The following TSPOAP1 variants were observed in gnomAD, a reference collection of about 807,000 sequenced individuals.
The protein encoded by TSPOAP1 is TSPO associated protein 1, also known as peripheral-type benzodiazepine receptor-associated protein 1.
In TSPOAP1, 87 loss-of-function variants were observed where a neutral mutation model predicts 197.0. The observed-to-expected ratio is 0.44, with a 90% CI of 0.37 to 0.53. The LOEUF is 0.53. Among genes scored for constraint, TSPOAP1 ranks in the 20% least tolerant of loss-of-function variants. The pLI is 0.00. For synonymous variants in TSPOAP1, 913 were observed against 998.9 expected (o/e 0.91, Z 1.62); for missense variants, 2,174 against 2,411.3 (o/e 0.90, Z 2.06).
chr17:58,326,362 G>A lies in TSPOAP1; in HGVS notation c.501C>T (p.Ala167=), dbSNP rs1327005870. Residue 167 remains alanine (A), a synonymous_variant, in exon 3 of 32, where the codon GCC becomes GCT. Transcript: ENST00000343736. The surrounding 1 kb of genome is among the most constrained non-coding windows in gnomAD (Gnocchi z 4.7). ...EKVRRLKRKN[A]ELAVIAKRLE... ...GGCGCTTGGCAATGACCGCCAGCTC[G>A]GCGTTCTTCCTCTTCAGCCTCCGCA... The A allele has an allele frequency of 1.6e-5, 26 of 1,613,886 alleles. No homozygotes were observed. Among genetic ancestry groups the A allele is most frequent in the African/African-American group, 5.3e-5 (4 of 74,900 alleles).
chr17:58,327,842 A>G lies in TSPOAP1; in HGVS notation c.79T>C (p.Trp27Arg). 1 of 1,613,824 alleles carries G rather than the reference A, an allele frequency of 6.2e-7. No individual in the cohort carries two copies. Among genetic ancestry groups the G allele is most frequent in the Non-Finnish European group, 8.5e-7 (1 of 1,179,938 alleles). The part of the protein sequence containing the change: ...EPWALPTWHS[W>R]TPGRGGEPSS... ...GGTTCACCCCCTCGACCTGGAGTCC[A>G]GCTATGCCAGGTGGGCAGTGCCCAT... Residue 27 changes from tryptophan (W) to arginine (R), a missense_variant, in exon 1 of 32, where the codon TGG becomes CGG. Coordinates refer to ENST00000343736, the MANE Select transcript of TSPOAP1 (RefSeq NM_004758.4).
intron 11 of TSPOAP1, 92 bp from the exon 12 acceptor site, chr17:58,320,221 G>T: frequency 6.8e-7 from 1 of 1,471,650 alleles, no homozygotes; most frequent in Non-Finnish European, 9.5e-7. Flanking sequence ...GGGCCTAAGT[G>T]GATATCATCC....
intron 14 of TSPOAP1, among the ~76,000 whole-genome samples, chr17:58,317,850 T>G (rs1971286017): frequency 6.6e-6 from 1 of 152,210 alleles, no homozygotes. Context: ...AAGATTCAGA[T>G]AAGGAAACAG....
In TSPOAP1 at chr17:58,324,759, C is replaced by G; in HGVS notation, c.942+52G>C. On this transcript the variant is annotated intron_variant, in intron 5 of 31. Coordinates refer to ENST00000343736, the MANE Select transcript of TSPOAP1 (RefSeq NM_004758.4). This position sits in a 1 kb window ranked among gnomAD's most constrained non-coding sequence, Gnocchi z 5.8. ...TGCAGGGGAGATCCCGGTGGTCGTT[C>G]CCCCCACCCATCTGCACGCACCCAC... is the stretch of plus-strand genomic sequence containing the variant. 25 of 1,263,122 alleles carry G rather than the reference C, an allele frequency of 2.0e-5. No homozygotes were observed. Among genetic ancestry groups the G allele is most frequent in the Admixed American group, 1.4e-4 (4 of 28,294 alleles). 78.2% of individuals were successfully genotyped at this position (1,263,122 alleles called of 1,614,324 possible). A position where few individuals can be genotyped will look rare whatever the true frequency, so the allele number is the denominator to read the frequency against.
chr17:58,308,311 G>T (rs922103123), intron 22 of TSPOAP1, among the ~76,000 whole-genome samples: 1 of 152,234 alleles, frequency 6.6e-6, no homozygotes, highest in African/African-American at 2.4e-5. Flanking sequence ...CTGCCCACAG[G>T]CCGCAACAGG....
chr17:58,311,529 G>A (rs779976642), intron 18 of TSPOAP1, 42 bp downstream of exon 18: 1 of 1,521,296 alleles, frequency 6.6e-7, no homozygotes, highest in Admixed American at 2.2e-5. Context: ...TAGCAAGAAG[G>A]GACCCACCCC....
rs778020755 is a variant in TSPOAP1 at position 58,310,909 on chromosome 17, C to T, written c.3386G>A (p.Gly1129Glu). The T allele has an allele frequency of 4.5e-6, 7 of 1,548,868 alleles. No homozygotes were observed. The African/African-American group carries it at 8.3e-5, about 18-fold the overall frequency. Residue 1129 changes from glycine (G) to glutamate (E), a missense_variant, in exon 19 of 32, where the codon GGA (glycine) becomes GAA (glutamate). By Grantham distance (98) the Gly-to-Glu change is moderately conservative. Coordinates refer to ENST00000343736, the MANE Select transcript of TSPOAP1 (RefSeq NM_004758.4). ...TCTGGAAGGGCTTGCAGGGGGTGCT[C>T]CTGGAGGCTCTTGAGTTCCAAGGGG... The part of the protein sequence containing the change: ...PAPLGTQEPP[G>E]APPASPSREM...
intron 18 of TSPOAP1, 79 bp downstream of exon 18, chr17:58,311,492 A>C: frequency 1.3e-6 from 2 of 1,505,496 alleles, no homozygotes; most frequent in Non-Finnish European, 1.8e-6. Flanking sequence ...TCTCCGTGCC[A>C]AGCCAGAGAG....
rs150735629 is a variant in TSPOAP1, at chr17:58,307,908, C to T, written c.4765G>A (p.Gly1589Ser). ...TTCTGGGGGCCCCTCCGCCCAGAGCCGTCCTGCCCTCTGGCCTCTCCGGTC... is the reference window on the plus strand; with the variant it reads ...TTCTGGGGGCCCCTCCGCCCAGAGCTGTCCTGCCCTCTGGCCTCTCCGGTC... ...TETGEARGQD[G>S]SGRRGPQKRG... The change falls in exon 23 of 32, where the codon GGC (glycine) becomes AGC (serine). Residue 1589 changes from glycine to serine, a missense_variant. Physicochemically the swap from Gly to Ser is moderately conservative, Grantham distance 56 (BLOSUM62 0). Coordinates refer to ENST00000343736, the MANE Select transcript of TSPOAP1 (RefSeq NM_004758.4). 6.9e-5 allele frequency: 112 copies of T among 1,613,172 alleles called. No homozygotes were observed. The highest frequency in any genetic ancestry group is 1.9e-4 in the South Asian group (17 of 91,056).
At chr17:58,307,188 C>A (rs1054923372) in intron 24 of TSPOAP1, among the ~76,000 whole-genome samples, 1 of 152,240 alleles carries the variant, frequency 6.6e-6, no homozygotes, top group Admixed American at 6.5e-5. Flanking sequence ...TGGCCATGCC[C>A]TTTGCCCACC....
rs1436363599 is a variant in TSPOAP1, at chr17:58,319,085, C to T, written c.1699+5G>A. 4.6e-6 allele frequency: 7 copies of T among 1,522,932 alleles called. No homozygotes were observed. In the African/African-American group the frequency reaches 8.3e-5, roughly 18 times the overall value. 94.3% of individuals were successfully genotyped at this position (1,522,932 alleles called of 1,614,324 possible). A position where few individuals can be genotyped will look rare whatever the true frequency, so the allele number is the denominator to read the frequency against. The stretch of plus-strand genomic sequence containing the variant: ...CCAGGCCAATGCCACTGGGGTCCAC[C>T]TTACCTTTGGGGCCAGACCCCCGGC... On this transcript the variant is annotated splice_donor_5th_base_variant and intron_variant, in intron 13 of 31. Coordinates refer to ENST00000343736, the MANE Select transcript of TSPOAP1 (RefSeq NM_004758.4).
At position 58,316,046 on chromosome 17, in the gene TSPOAP1, A is replaced by G. The variant is rs367626083; in HGVS notation, c.2075T>C (p.Met692Thr). 5.0e-6 allele frequency: 8 copies of G among 1,613,986 alleles called. No homozygotes were observed. In the African/African-American group the frequency reaches 1.1e-4, roughly 22 times the overall value. The change falls in exon 16 of 32, where the codon ATG (methionine) becomes ACG (threonine). Residue 692 changes from methionine to threonine, a missense_variant. This residue lies in a region of TSPOAP1 where 1,933 missense variants were observed against 2,139.0 expected (regional missense o/e 0.90). Transcript: ENST00000343736. ...AGEYIYIYGN[M>T]DEDGFFEGEL... is the part of the protein sequence containing the mutation. The stretch of plus-strand genomic sequence containing the variant: ...ACCTTCAAAAAAGCCATCCTCATCC[A>G]TGTTGCCATAGATGTAGATGTACTC...
chr17:58,310,758 C>G lies in TSPOAP1; in HGVS notation c.3460-7G>C, dbSNP rs546544931. On this transcript the variant is annotated splice_region_variant and splice_polypyrimidine_tract_variant and intron_variant, in intron 19 of 31. Transcript: ENST00000343736. ...CTGCTGCCCCAGCCTCCTCCTGGAA[C>G]AGAGAGCACTGAGGAAGGACCCAAG... The G allele has an allele frequency of 6.8e-6, 11 of 1,609,908 alleles. No individual in the cohort carries two copies. The highest frequency in any genetic ancestry group is 2.2e-5 in the East Asian group (1 of 44,806).
At chr17:58,310,387 C>T in intron 20 of TSPOAP1, 125 bp downstream of exon 20, 1 of 1,419,698 alleles carries the variant, frequency 7.0e-7, no homozygotes. Flanking sequence ...ATAGCACAGC[C>T]AAAGGTGTGA....
At chr17:58,315,904 GATGGATGGATGGATGGATGGATGGATGA>G (rs1971214647) in intron 16 of TSPOAP1, 91 bp downstream of exon 16, 9 of 759,772 alleles carry the variant, frequency 1.2e-5, no homozygotes, top group Non-Finnish European at 1.6e-5. Flanking sequence ...TGGATGGATG[GATGGATGGATGGATGGATGGATGGATGA>G]ATGGATGGAT....
rs781678688 is a variant in TSPOAP1, at chr17:58,326,656, C to T, written c.441+27G>A. On this transcript the variant is annotated intron_variant, in intron 2 of 31. Coordinates refer to ENST00000343736, the MANE Select transcript of TSPOAP1 (RefSeq NM_004758.4). The surrounding 1 kb of genome is among the most constrained non-coding windows in gnomAD (Gnocchi z 4.7). ...GCAGAGGGCCTGGCTCCAGCCAGAA[C>T]GCAGCACCCCAGTCTCCAAGCCTCA... 3.2e-5 allele frequency: 52 copies of T among 1,609,280 alleles called. No individual in the cohort carries two copies. In the African/African-American group the frequency reaches 3.5e-4, roughly 11 times the overall value.
Position 58,306,416 on chromosome 17 carries a change from G to T in TSPOAP1, c.5153-3C>A, listed in dbSNP as rs752250359. 2.5e-5 allele frequency: 39 copies of T among 1,554,554 alleles called. No homozygotes were observed. Among genetic ancestry groups the T allele is most frequent in the Non-Finnish European group, 3.3e-5 (38 of 1,148,392 alleles). ...GGAGTACACAAACGGACCATTCCCT[G>T]ATCCAGAAAAGCAGAGAGAAAGCGA... On this transcript the variant is annotated splice_region_variant and splice_polypyrimidine_tract_variant and intron_variant, in intron 25 of 31. Coordinates refer to ENST00000343736, the MANE Select transcript of TSPOAP1 (RefSeq NM_004758.4).
chr17:58,327,850 C>G lies in TSPOAP1; in HGVS notation c.71G>C (p.Trp24Ser). The G allele has an allele frequency of 6.2e-7, 1 of 1,613,778 alleles. No homozygotes were observed. The highest frequency in any genetic ancestry group is 8.5e-7 in the Non-Finnish European group (1 of 1,179,918). ...CCCTCGACCTGGAGTCCAGCTATGCCAGGTGGGCAGTGCCCATGGCTCCAT... is the reference window on the plus strand; with the variant it reads ...CCCTCGACCTGGAGTCCAGCTATGCGAGGTGGGCAGTGCCCATGGCTCCAT... Reference protein sequence around the residue: ...GAMEPWALPTWHSWTPGRGGE... With the variant: ...GAMEPWALPTSHSWTPGRGGE... The change falls in exon 1 of 32, where the codon TGG (tryptophan) becomes TCG (serine). Residue 24 changes from tryptophan to serine, a missense_variant. Transcript: ENST00000343736.
intron 16 of TSPOAP1, 29 bp from the exon 17 acceptor site, chr17:58,312,751 G>T (rs1971112747): frequency 6.3e-7 from 1 of 1,588,028 alleles, no homozygotes; most frequent in Non-Finnish European, 8.6e-7. Context: ...GAAGGGGCAG[G>T]GCAGGGGAAG....
Sources: gnomAD v4.1 joint callset for allele counts (sites outside exome capture counted in the v4.1 genomes callset) on GRCh38, gnomAD v4.1.1 for gene constraint, gnomAD v4.1.1 regional missense constraint, Gnocchi (gnomAD v3.1) non-coding constraint, MANE v1.5 for transcripts, NCBI Gene and HGNC (gene_info 2026-07-23, HGNC 2026-07-21) for gene names.